MID1: variants seen among roughly 807,000 people sequenced by gnomAD.
The protein encoded by MID1 is midline 1.
MID1 carries 7 observed loss-of-function variants against 40.4 expected under a neutral mutation model. The ratio of observed to expected loss-of-function variants is 0.17; its 90% CI spans 0.10 to 0.33. The LOEUF (loss-of-function observed/expected upper bound fraction) is 0.33. MID1 is among the 10% of genes least tolerant of loss of function. The pLI is 1.00. For synonymous variants in MID1, 229 were observed against 221.2 expected, an observed-to-expected ratio of 1.04 and a Z score of -0.31; for missense variants, 367 against 558.5, an observed-to-expected ratio of 0.66 and a Z score of 3.46.
chrX:10,712,238 C>A (rs2147089713), intron 1 of MID1, among the ~76,000 whole-genome samples: 1 of 110,940 alleles, frequency 9.0e-6, no homozygotes, highest in African/African-American at 3.3e-5. Context: ...TACCTGGTCA[C>A]AACTGGCAGC....
intron 1 of MID1, among the ~76,000 whole-genome samples, chrX:10,649,265 C>T (rs973819452): frequency 1.8e-5 from 2 of 111,738 alleles, no homozygotes; most frequent in African/African-American, 6.5e-5. Flanking sequence ...AAAGAGAAAG[C>T]CCATTAAGAA....
At chrX:10,768,216 C>T (rs2043744382) in intron 1 of MID1, among the ~76,000 whole-genome samples, 3 of 109,697 alleles carry the variant, frequency 2.7e-5, no homozygotes, top group African/African-American at 6.6e-5. Flanking sequence ...TTAAGTTGAA[C>T]TTAAAAGCTT....
At chrX:10,754,443 G>A (rs2043619824) in intron 1 of MID1, among the ~76,000 whole-genome samples, 1 of 110,555 alleles carries the variant, frequency 9.0e-6, no homozygotes, top group African/African-American at 3.3e-5. Flanking sequence ...AATGTACTCT[G>A]CTATATTTTA....
intron 4 of MID1, among the ~76,000 whole-genome samples, chrX:10,492,538 G>A (rs993189663): frequency 8.9e-6 from 1 of 111,975 alleles, no homozygotes; most frequent in Non-Finnish European, 1.9e-5. Flanking sequence ...GCTATGATAT[G>A]AGGGAAAGGT....
intron 1 of MID1, among the ~76,000 whole-genome samples, chrX:10,815,085 A>T (rs1422845308): frequency 9.0e-6 from 1 of 111,678 alleles, no homozygotes; most frequent in Non-Finnish European, 1.9e-5. Flanking sequence ...CTATATGGTA[A>T]TTTCATTTCA....
intron 1 of MID1, among the ~76,000 whole-genome samples, chrX:10,634,548 T>A (rs908556171): frequency 4.5e-5 from 5 of 110,355 alleles, no homozygotes; most frequent in Admixed American, 3.9e-4. Context: ...TTTTTTTTTT[T>A]AAATTGAGTG....
At chrX:10,798,656 C>T (rs952255329) in intron 1 of MID1, among the ~76,000 whole-genome samples, 32 of 111,464 alleles carry the variant, frequency 2.9e-4, no homozygotes, top group Admixed American at 1.5e-3. Context: ...ACTCTGAGCT[C>T]ATCAGTCCCC....
At chrX:10,727,185 G>C (rs911995511) in intron 1 of MID1, among the ~76,000 whole-genome samples, 10 of 112,360 alleles carry the variant, frequency 8.9e-5, no homozygotes, top group South Asian at 3.7e-4. Flanking sequence ...CACAATCTCA[G>C]CTCACTACAA....
At chrX:10,746,078 G>C (rs1281758608) in intron 1 of MID1, among the ~76,000 whole-genome samples, 1 of 111,801 alleles carries the variant, frequency 8.9e-6, no homozygotes, top group Non-Finnish European at 1.9e-5. Context: ...GCTAATATTT[G>C]ATACGGGTTT....
chrX:10,764,488 A>C (rs1357525175), intron 1 of MID1, among the ~76,000 whole-genome samples: 1 of 111,936 alleles, frequency 8.9e-6, no homozygotes, highest in Non-Finnish European at 1.9e-5. Flanking sequence ...AGCCACACTA[A>C]AGTTCAAATA....
chrX:10,751,754 G>A (rs753055867), intron 1 of MID1, among the ~76,000 whole-genome samples: 2 of 111,898 alleles, frequency 1.8e-5, no homozygotes, highest in East Asian at 5.6e-4. Context: ...CCCCTCTTAA[G>A]GTTTCAGAAG....
Position 10,567,586 on chromosome X carries a change from A to C in MID1, c.-39T>G, listed in dbSNP as rs1320485443. 8.3e-7 allele frequency: 1 copy of C among 1,203,321 alleles called. No individual in the cohort carries two copies. On this transcript the variant is annotated 5_prime_UTR_variant, in exon 2 of 10. Transcript: ENST00000317552. ...TCTCTTGTGTCATCAGCAAAACCCA[A>C]GGAAGCTGATCAGCTATCTGGAAAC...
chrX:10,710,715 A>T (rs183724500), intron 1 of MID1, among the ~76,000 whole-genome samples: 18 of 111,315 alleles, frequency 1.6e-4, no homozygotes, highest in African/African-American at 5.9e-4. Flanking sequence ...ACATTCAAAC[A>T]CTGGACACAA....
Position 10,721,219 on chromosome X carries a change from A to C in MID1, c.-186-100800T>G, listed in dbSNP as rs187386994. On this transcript the variant is annotated intron_variant, in intron 1 of 10. Transcript: ENST00000380785. ...ATAATAAAAAAAAGAAAAATAAATA[A>C]AGAAAAATGAAGTTGGGTGTTAAGG... 2.7e-5 allele frequency among the ~76,000 whole-genome samples: 3 copies of C among 111,393 alleles called. No homozygotes were observed. In the East Asian group the frequency reaches 8.5e-4, roughly 31 times the overall value.
intron 1 of MID1, among the ~76,000 whole-genome samples, chrX:10,651,879 C>T (rs1489107604): frequency 8.9e-6 from 1 of 111,777 alleles, no homozygotes; most frequent in African/African-American, 3.3e-5. Context: ...CCTCCCACTT[C>T]TGCCTCCCAA....
chrX:10,609,156 T>TAC (rs369473330), intron 1 of MID1, among the ~76,000 whole-genome samples: 9,121 of 106,896 alleles, frequency 0.085, 339 homozygotes, highest in African/African-American at 0.11. Context: ...CACACGTGCA[T>TAC]ACACACACAC....
At chrX:10,553,587 AG>A (rs1004576859) in intron 2 of MID1, among the ~76,000 whole-genome samples, 4 of 112,064 alleles carry the variant, frequency 3.6e-5, no homozygotes, top group African/African-American at 9.7e-5. Flanking sequence ...ATTTTTAGCC[AG>A]GGTAAGTAAA....
chrX:10,687,079 C>T (rs1325882861), intron 1 of MID1, among the ~76,000 whole-genome samples: 1 of 111,508 alleles, frequency 9.0e-6, no homozygotes, highest in Non-Finnish European at 1.9e-5. Context: ...CCACTGTTAC[C>T]TTTATTTTGA....
Position 10,662,071 on chromosome X carries a change from G to A in MID1, c.-186-41652C>T, listed in dbSNP as rs766209662. Among the ~76,000 whole-genome samples the A allele has an allele frequency of 3.6e-5, 4 of 111,741 alleles. No homozygotes were observed. In the East Asian group the frequency reaches 8.4e-4, roughly 23 times the overall value. On this transcript the variant is annotated intron_variant, in intron 1 of 10. Transcript: ENST00000380785. ...TGTAATCCCAGCACTTTGGGAGGCC[G>A]AGGTGGGCAGATCACCTGAGGTCAG...
Sources: allele counts gnomAD v4.1 joint callset (sites outside exome capture counted in the v4.1 genomes callset), GRCh38; gene constraint gnomAD v4.1.1; transcripts MANE v1.5; gene names NCBI Gene and HGNC (gene_info 2026-07-23, HGNC 2026-07-21).